OAT: variants seen among roughly 807,000 people sequenced by gnomAD.
The protein encoded by OAT is ornithine aminotransferase, mitochondrial.
Under a neutral mutation model 48.4 loss-of-function variants are expected in OAT, and 35 were observed. The observed-to-expected ratio is 0.72, with a 90% CI of 0.55 to 0.96. OAT has a LOEUF of 0.96. Ranked by LOEUF, OAT falls within the 40% of genes least tolerant of loss-of-function variation. The probability of loss-of-function intolerance (pLI) is 0.00; values close to 1 mark genes in which losing one functional copy is unlikely to be tolerated. For synonymous variants in OAT, 182 were observed against 198.4 expected (o/e 0.92, Z 0.70); for missense variants, 438 against 537.9 (o/e 0.81, Z 1.84).
intron 1 of OAT, chr10:124,414,548 G>A (rs1031661265): frequency 6.6e-6 from 1 of 152,294 alleles, no homozygotes; most frequent in Admixed American, 6.5e-5. Context: ...CAAAAGTGAT[G>A]TAAGAATCAT....
intron 1 of OAT, 150 bp downstream of exon 1, chr10:124,418,723 C>T (rs1952000446): frequency 6.6e-6 from 1 of 152,174 alleles, no homozygotes; most frequent in Non-Finnish European, 1.5e-5. Context: ...GGGGCTCGTT[C>T]CCCGGCCGAG....
rs1951276189 is a variant in OAT, at chr10:124,397,913, C to G, written c.*29G>C. 1 of 1,613,272 alleles carries G rather than the reference C, an allele frequency of 6.2e-7. No individual in the cohort carries two copies. The highest frequency in any genetic ancestry group is 1.7e-5 in the Admixed American group (1 of 59,986). On this transcript the variant is annotated 3_prime_UTR_variant, in exon 10 of 10. Transcript: ENST00000368845. ...GGACCACCTGTCTCCAGCTGGCTCC[C>G]AGGGACCACTGAAAACAGCTGGCTA...
intron 1 of OAT, among the ~76,000 whole-genome samples, 200 bp downstream of exon 1, chr10:124,418,673 C>G (rs1027302602): frequency 2.0e-4 from 30 of 151,356 alleles, no homozygotes; most frequent in African/African-American, 6.9e-4. Context: ...CCAGGGCGCC[C>G]GGGTCCGAGC....
chr10:124,398,199 A>G (rs1039962215), intron 9 of OAT, 97 bp from the exon 10 acceptor site: 20 of 1,363,322 alleles, frequency 1.5e-5, no homozygotes, highest in Non-Finnish European at 2.0e-5. Context: ...AAACAAAATT[A>G]ACAGAACTTG....
intron 9 of OAT, 140 bp from the exon 10 acceptor site, chr10:124,398,242 G>T: frequency 1.1e-6 from 1 of 925,234 alleles, no homozygotes; most frequent in Non-Finnish European, 1.7e-6. Flanking sequence ...TGGGAGCGGT[G>T]GCTTATGCCT....
intron 1 of OAT, among the ~76,000 whole-genome samples, chr10:124,416,392 T>TGTTC (rs1339482199): frequency 6.6e-6 from 1 of 152,078 alleles, no homozygotes; most frequent in African/African-American, 2.4e-5. Flanking sequence ...TAAGAGGGGG[T>TGTTC]GTTCACTCTC....
In OAT at chr10:124,397,799, G is replaced by A; in HGVS notation, c.*143C>T. On this transcript the variant is annotated 3_prime_UTR_variant, in exon 10 of 10. Coordinates refer to ENST00000368845, the MANE Select transcript of OAT (RefSeq NM_000274.4). The stretch of plus-strand genomic sequence containing the variant: ...AGGTTCATAAACGTTGTTCTATTAT[G>A]TATCAACTGAAAAAAATATATTCAA... The A allele has an allele frequency of 3.7e-6, 3 of 815,740 alleles. No individual in the cohort carries two copies. The highest frequency in any genetic ancestry group is 7.3e-4 in the Middle Eastern group (2 of 2,744). 50.5% of individuals were successfully genotyped at this position (815,740 alleles called of 1,614,324 possible).
At position 124,405,488 on chromosome 10, in the gene OAT, G is replaced by T. The variant is rs267606925; in HGVS notation, c.596C>A (p.Pro199Gln). 3.0e-5 allele frequency: 49 copies of T among 1,614,020 alleles called. No individual in the cohort carries two copies. Among genetic ancestry groups the T allele is most frequent in the Non-Finnish European group, 3.8e-5 (45 of 1,180,012 alleles). The change falls in exon 5 of 10, where the codon CCA (proline) becomes CAA (glutamine). Residue 199 changes from proline to glutamine, a missense_variant. Pro to Gln is a moderately conservative substitution (Grantham distance 76). Coordinates refer to ENST00000368845, the MANE Select transcript of OAT (RefSeq NM_000274.4). ...AATGATGTCGAATCCCGGCATAAAT[G>T]GTCCAAAACCATCGTAACTGGTTGG... ...TDPTSYDGFG[P>Q]FMPGFDIIPY...
At chr10:124,402,278 G>C (rs1339926719) in intron 7 of OAT, among the ~76,000 whole-genome samples, 1 of 152,102 alleles carries the variant, frequency 6.6e-6, no homozygotes, top group Non-Finnish European at 1.5e-5. Context: ...TAATGACTTA[G>C]TCATACCCTA....
At chr10:124,410,403 G>T (rs1951711119) in intron 2 of OAT, among the ~76,000 whole-genome samples, 1 of 152,186 alleles carries the variant, frequency 6.6e-6, no homozygotes, top group Admixed American at 6.5e-5. Context: ...CTCATCGGAG[G>T]TTTTTCTTTT....
rs568157832 is a variant in OAT at position 124,401,593 on chromosome 10, T to C, written c.1014+133A>G. On this transcript the variant is annotated intron_variant, in intron 8 of 9. Transcript: ENST00000368845. ...TTGAGAATATCTTGTTCCTAAAATTTTTCCTCTATACTTCATGTTTTCTAA... is the reference window on the plus strand; with the variant it reads ...TTGAGAATATCTTGTTCCTAAAATTCTTCCTCTATACTTCATGTTTTCTAA... The C allele has an allele frequency of 1.0e-5, 7 of 700,542 alleles. No homozygotes were observed. In the African/African-American group the frequency reaches 1.1e-4, roughly 11 times the overall value. The allele number at this position is 700,542 out of a possible 1,614,324, so 43.4% of individuals were successfully genotyped here.
At chr10:124,405,985 A>G (rs1428472978) in intron 4 of OAT, 16 of 1,089,402 alleles carry the variant, frequency 1.5e-5, no homozygotes, top group Non-Finnish European at 1.8e-5. Context: ...TTTCCTTTCA[A>G]AACTCCAATA....
At chr10:124,409,791 A>G (rs1951698303) in intron 2 of OAT, among the ~76,000 whole-genome samples, 1 of 152,228 alleles carries the variant, frequency 6.6e-6, no homozygotes, top group African/African-American at 2.4e-5. Flanking sequence ...AAGAAGATAT[A>G]CAAATGGCAA....
intron 9 of OAT, among the ~76,000 whole-genome samples, chr10:124,399,760 C>T (rs1370618946): frequency 6.6e-6 from 1 of 152,156 alleles, no homozygotes; most frequent in Non-Finnish European, 1.5e-5. Flanking sequence ...AAAGGATGTA[C>T]TAAAACATCA....
At chr10:124,403,563 C>T (rs930130803) in intron 6 of OAT, among the ~76,000 whole-genome samples, 9 of 152,216 alleles carry the variant, frequency 5.9e-5, no homozygotes, top group Non-Finnish European at 1.2e-4. Context: ...TGCAGTTCTG[C>T]ACAGGGCCCA....
chr10:124,399,335 ATTCTTTT>A lies in OAT; in HGVS notation c.1160-1240_1160-1234del, dbSNP rs1484040949. Among the ~76,000 whole-genome samples the A allele has an allele frequency of 6.3e-3, 636 of 100,338 alleles. 10 individuals are homozygous for A. The highest frequency in any genetic ancestry group is 0.022 in the African/African-American group (606 of 27,756). 65.8% of individuals were successfully genotyped at this position (100,338 alleles called of 152,430 possible). A position where few individuals can be genotyped will look rare whatever the true frequency, so the allele number is the denominator to read the frequency against. ...ATTTTTTTAAGAAGCTCCCCAGGTG[ATTCTTTT>A]TTTTTTTTTTTTTTTTTTTTTGAGA... On this transcript the variant is annotated intron_variant, in intron 9 of 9. Coordinates refer to ENST00000368845, the MANE Select transcript of OAT (RefSeq NM_000274.4).
intron 1 of OAT, among the ~76,000 whole-genome samples, chr10:124,417,923 G>A (rs1951969601): frequency 6.6e-6 from 1 of 152,268 alleles, no homozygotes; most frequent in Non-Finnish European, 1.5e-5. Flanking sequence ...AAGATGTAGA[G>A]TGACAAAAGG....
rs750211145 is a variant in OAT at position 124,398,102 on chromosome 10, T to C, written c.1160A>G (p.Asp387Gly). ...LNAIVIKETK[D>G]WDAWKVCLRL... ...TAGACACACCTTCCAAGCATCCCAATCTAAAGAAAAATAGTAAAACGTACA... is the reference window on the plus strand; with the variant it reads ...TAGACACACCTTCCAAGCATCCCAACCTAAAGAAAAATAGTAAAACGTACA... The change falls in exon 10 of 10, where the codon GAT (aspartate) becomes GGT (glycine). Residue 387 changes from aspartate to glycine, a missense_variant and splice_region_variant. By Grantham distance (94) the Asp-to-Gly change is moderately conservative. Coordinates refer to ENST00000368845, the MANE Select transcript of OAT (RefSeq NM_000274.4). 3.7e-6 allele frequency: 6 copies of C among 1,614,040 alleles called. No homozygotes were observed. The highest frequency in any genetic ancestry group is 1.6e-4 in the Middle Eastern group (1 of 6,062).
intron 1 of OAT, among the ~76,000 whole-genome samples, chr10:124,414,614 C>T (rs1198021767): frequency 6.6e-6 from 1 of 152,126 alleles, no homozygotes; most frequent in Admixed American, 6.5e-5. Context: ...GTAACTTCCC[C>T]AAAATACTAC....
Sources: gnomAD v4.1 joint callset for allele counts (sites outside exome capture counted in the v4.1 genomes callset) on GRCh38, gnomAD v4.1.1 for gene constraint, MANE v1.5 for transcripts, NCBI Gene and HGNC (gene_info 2026-07-23, HGNC 2026-07-21) for gene names.